The following CSMD1 variants were observed in gnomAD, a reference collection of about 807,000 sequenced individuals.
CSMD1 encodes CUB and sushi domain-containing protein 1.
CSMD1 carries 213 observed loss-of-function variants against 417.5 expected under a neutral mutation model. That is an observed-to-expected ratio of 0.51 (90% CI 0.46 to 0.57). The LOEUF is 0.57. Ranked by LOEUF, CSMD1 falls within the 20% of genes least tolerant of loss-of-function variation. The probability of loss-of-function intolerance (pLI) is 0.00; values close to 1 mark genes in which losing one functional copy is unlikely to be tolerated. For synonymous variants in CSMD1, 2,862 were observed against 1,736.8 expected (o/e 1.65, Z -16.11); for missense variants, 6,923 against 4,529.7 (o/e 1.53, Z -15.17).
intron 1 of CSMD1, among the ~76,000 whole-genome samples, chr8:4,790,955 C>A (rs1483498398): frequency 6.6e-6 from 1 of 152,062 alleles, no homozygotes; most frequent in Non-Finnish European, 1.5e-5. Context: ...CCAAAAGCAA[C>A]TAAGACAAAA....
At chr8:4,466,683 T>C (rs1364255578) in intron 2 of CSMD1, among the ~76,000 whole-genome samples, 1 of 152,176 alleles carries the variant, frequency 6.6e-6, no homozygotes, top group Non-Finnish European at 1.5e-5. Flanking sequence ...TTGGGATATG[T>C]TCTCCAGTCC....
chr8:3,156,056 G>C (rs76339884), intron 39 of CSMD1, among the ~76,000 whole-genome samples: 1,632 of 152,326 alleles, frequency 0.011, 30 homozygotes, highest in African/African-American at 0.037. Flanking sequence ...CGCTTTACTT[G>C]TGGGTGCCCA....
At chr8:4,305,914 C>G (rs909125896) in intron 3 of CSMD1, among the ~76,000 whole-genome samples, 2 of 152,088 alleles carry the variant, frequency 1.3e-5, no homozygotes, top group African/African-American at 4.8e-5. Context: ...GAATGTTTAC[C>G]ATTCTATAAC....
At chr8:4,305,589 A>G (rs985707043) in intron 3 of CSMD1, among the ~76,000 whole-genome samples, 1 of 152,206 alleles carries the variant, frequency 6.6e-6, no homozygotes, top group Non-Finnish European at 1.5e-5. Context: ...AGAGTAAAAA[A>G]TTAACCTTTC....
rs146902681 is a variant in CSMD1 at position 4,936,842 on chromosome 8, T to C, written c.85+57490A>G. On this transcript the variant is annotated intron_variant, in intron 1 of 69. Coordinates refer to ENST00000635120, the MANE Select transcript of CSMD1 (RefSeq NM_033225.6). ...CAGCTTTGCTGCTAAATAAAAATAA[T>C]ACATAAAACACTATTATTTTGACTA... 9.5e-4 allele frequency among the ~76,000 whole-genome samples: 144 copies of C among 152,344 alleles called. No homozygotes were observed. The Middle Eastern group carries it at 0.01, about 11-fold the overall frequency.
intron 5 of CSMD1, among the ~76,000 whole-genome samples, chr8:3,928,830 C>T (rs1809935796): frequency 6.9e-6 from 1 of 144,224 alleles, no homozygotes; most frequent in African/African-American, 2.6e-5. Context: ...CCACCTACCC[C>T]AGGTCATGCT....
Position 3,871,555 on chromosome 8 carries a change from GTTA to G in CSMD1, c.819-117516_819-117514del, listed in dbSNP as rs995567507. Among the ~76,000 whole-genome samples the G allele has an allele frequency of 5.8e-3, 877 of 152,062 alleles. 9 individuals are homozygous for G. Among genetic ancestry groups the G allele is most frequent in the African/African-American group, 0.02 (830 of 41,506 alleles). On this transcript the variant is annotated intron_variant, in intron 5 of 69. Coordinates refer to ENST00000635120, the MANE Select transcript of CSMD1 (RefSeq NM_033225.6). ...ATTTTAATTTTTCTTAGTCTATTAGGTTATTATTATTGATTCATAATTTTTATA... is the reference window on the plus strand; with the variant it reads ...ATTTTAATTTTTCTTAGTCTATTAGGTTATTATTGATTCATAATTTTTATA...
chr8:4,234,430 A>G (rs779958492), intron 3 of CSMD1, among the ~76,000 whole-genome samples: 1 of 151,928 alleles, frequency 6.6e-6, no homozygotes, highest in Non-Finnish European at 1.5e-5. Flanking sequence ...CATGGAAACT[A>G]CCTTTGCTAC....
At position 4,320,117 on chromosome 8, in the gene CSMD1, G is replaced by C. The variant is rs117661035; in HGVS notation, c.415+99836C>G. Among the ~76,000 whole-genome samples the C allele has an allele frequency of 8.5e-5, 13 of 152,282 alleles. No homozygotes were observed. The East Asian group carries it at 2.5e-3, about 29-fold the overall frequency. On this transcript the variant is annotated intron_variant, in intron 3 of 69. Coordinates refer to ENST00000635120, the MANE Select transcript of CSMD1 (RefSeq NM_033225.6). ...TTCAAAAAAATCCAACCCTTTGCAAGTAATTTAACTGTGTAACAGAACAAA... is the reference window on the plus strand; with the variant it reads ...TTCAAAAAAATCCAACCCTTTGCAACTAATTTAACTGTGTAACAGAACAAA...
intron 7 of CSMD1, among the ~76,000 whole-genome samples, chr8:3,686,010 TTCTG>T (rs1369971915): frequency 6.6e-6 from 1 of 152,140 alleles, no homozygotes; most frequent in Non-Finnish European, 1.5e-5. Context: ...CTTTCTTTCT[TTCTG>T]TATTTTGTAC....
chr8:3,933,983 G>C (rs1043281790), intron 5 of CSMD1, among the ~76,000 whole-genome samples: 1 of 152,108 alleles, frequency 6.6e-6, no homozygotes, highest in South Asian at 2.1e-4. Context: ...TAGTGAAGTG[G>C]CAAACCCATG....
At chr8:3,541,184 G>C (rs1479280320) in intron 10 of CSMD1, among the ~76,000 whole-genome samples, 1 of 152,216 alleles carries the variant, frequency 6.6e-6, no homozygotes, top group African/African-American at 2.4e-5. Context: ...ATACACCATG[G>C]AATGCTATGC....
intron 6 of CSMD1, among the ~76,000 whole-genome samples, chr8:3,752,297 C>T (rs1390485500): frequency 6.6e-6 from 1 of 152,124 alleles, no homozygotes; most frequent in Non-Finnish European, 1.5e-5. Context: ...GAAGATCAAG[C>T]TAAGAACCTT....
intron 2 of CSMD1, among the ~76,000 whole-genome samples, chr8:4,448,990 G>T: frequency 6.6e-6 from 1 of 152,242 alleles, no homozygotes; most frequent in African/African-American, 2.4e-5. Flanking sequence ...ATGGATAGTA[G>T]TCAGTATTAT....
chr8:4,668,678 C>G (rs1805106929), intron 1 of CSMD1, among the ~76,000 whole-genome samples: 1 of 151,980 alleles, frequency 6.6e-6, no homozygotes, highest in Non-Finnish European at 1.5e-5. Context: ...TCTCGATTTC[C>G]TGACCTAGTG....
In CSMD1 at chr8:3,118,533, A is replaced by T. The variant is rs749458523; in HGVS notation, c.6296T>A (p.Ile2099Asn). 1 of 1,613,950 alleles carries T rather than the reference A, an allele frequency of 6.2e-7. No individual in the cohort carries two copies. The highest frequency in any genetic ancestry group is 1.7e-5 in the Admixed American group (1 of 60,012). Residue 2099 changes from isoleucine to asparagine, a missense_variant, in exon 42 of 70, where the codon ATC becomes AAC. Transcript: ENST00000635120. ...DPPPFQNGYM[I>N]NSDYSVGQSV... ...TTGCCCCACGCTGTAATCCGAGTTG[A>T]TCATGTACCCATTCTGAAATGGGGG...
At chr8:3,341,926 A>G (rs921112016) in intron 23 of CSMD1, among the ~76,000 whole-genome samples, 1 of 152,200 alleles carries the variant, frequency 6.6e-6, no homozygotes, top group African/African-American at 2.4e-5. Flanking sequence ...AGTGGAAAAA[A>G]CAATCACAAT....
chr8:4,306,572 C>G (rs974519126), intron 3 of CSMD1, among the ~76,000 whole-genome samples: 1 of 152,114 alleles, frequency 6.6e-6, no homozygotes, highest in African/African-American at 2.4e-5. Context: ...CAGCTCCCTG[C>G]CCATGGTGTA....
Position 4,600,772 on chromosome 8 carries a change from A to C in CSMD1, c.302+36570T>G, listed in dbSNP as rs1227818851. Among the ~76,000 whole-genome samples, 8 of 152,180 alleles carry C rather than the reference A, an allele frequency of 5.3e-5. No homozygotes were observed. The East Asian group carries it at 1.5e-3, about 29-fold the overall frequency. On this transcript the variant is annotated intron_variant, in intron 2 of 69. Coordinates refer to ENST00000635120, the MANE Select transcript of CSMD1 (RefSeq NM_033225.6). Reference sequence around the variant, plus strand: ...TTATGGGAACTAAGGCGTGAGGATAAATTGTTAGTAACTTCAGACGTAAGA... The same window carrying C: ...TTATGGGAACTAAGGCGTGAGGATACATTGTTAGTAACTTCAGACGTAAGA...
Sources: allele counts gnomAD v4.1 joint callset (sites outside exome capture counted in the v4.1 genomes callset), GRCh38; gene constraint gnomAD v4.1.1; transcripts MANE v1.5; gene names NCBI Gene and HGNC (gene_info 2026-07-23, HGNC 2026-07-21).